Variants in CCDC102B observed in about 807,000 individuals in gnomAD.
The protein encoded by CCDC102B is coiled-coil domain-containing protein 102B.
A neutral mutation model predicts 57.4 loss-of-function variants in CCDC102B; 75 were observed. The observed-to-expected ratio is 1.31, with a 90% CI of 1.08 to 1.58. The LOEUF (loss-of-function observed/expected upper bound fraction) is 1.58, where lower values mean the gene tolerates loss of function less well. Ranked by LOEUF, CCDC102B falls within the 40% of genes most tolerant of loss-of-function variation. The probability of loss-of-function intolerance (pLI) is 0.00; values close to 1 mark genes in which losing one functional copy is unlikely to be tolerated. For missense variants in CCDC102B, 636 were observed against 582.6 expected (o/e 1.09, Z -0.94); for synonymous variants, 206 against 201.9 (o/e 1.02, Z -0.17).
chr18:68,979,797 T>C (rs1306113854), intron 6 of CCDC102B, among the ~76,000 whole-genome samples: 1 of 152,006 alleles, frequency 6.6e-6, no homozygotes, highest in Admixed American at 6.6e-5. Context: ...CAACCTCCAT[T>C]CTGCTCTCCT....
chr18:69,026,770 G>A (rs1271244290), intron 7 of CCDC102B, among the ~76,000 whole-genome samples: 1 of 152,052 alleles, frequency 6.6e-6, no homozygotes, highest in African/African-American at 2.4e-5. Flanking sequence ...TTTTATGCTG[G>A]GTATTCATCT....
chr18:68,993,364 A>T (rs761865385), intron 6 of CCDC102B: 22 of 152,234 alleles, frequency 1.4e-4, no homozygotes, highest in Non-Finnish European at 2.9e-4. Context: ...CAGTGAAGGC[A>T]TCAGTTGGCT....
intron 7 of CCDC102B, among the ~76,000 whole-genome samples, chr18:69,044,037 G>GT (rs1234199888): frequency 6.6e-6 from 1 of 152,046 alleles, no homozygotes; most frequent in Non-Finnish European, 1.5e-5. Flanking sequence ...TATGTGGCCA[G>GT]TTTTTTAAAA....
chr18:68,840,832 C>CCATATA (rs1183447240), intron 3 of CCDC102B, among the ~76,000 whole-genome samples: 1 of 152,134 alleles, frequency 6.6e-6, no homozygotes, highest in East Asian at 1.9e-4. Context: ...ACACGCTTAT[C>CCATATA]CATATACATA....
intron 6 of CCDC102B, among the ~76,000 whole-genome samples, chr18:68,955,458 C>T (rs1272042963): frequency 2.0e-5 from 3 of 152,144 alleles, no homozygotes; most frequent in African/African-American, 7.2e-5. Context: ...ACCAACAACA[C>T]TCACAGAGTG....
intron 6 of CCDC102B, chr18:68,908,303 T>C (rs1032357526): frequency 6.6e-6 from 1 of 152,162 alleles, no homozygotes; most frequent in African/African-American, 2.4e-5. Flanking sequence ...TGAAGGACAA[T>C]AAAAACACCA....
intron 2 of CCDC102B, among the ~76,000 whole-genome samples, chr18:68,742,393 A>T (rs971655178): frequency 6.6e-6 from 1 of 152,220 alleles, no homozygotes; most frequent in African/African-American, 2.4e-5. Flanking sequence ...CATCTTAATT[A>T]CTTCCAGATC....
intron 4 of CCDC102B, among the ~76,000 whole-genome samples, chr18:68,869,326 G>C (rs911302894): frequency 6.6e-6 from 1 of 152,116 alleles, no homozygotes; most frequent in African/African-American, 2.4e-5. Context: ...CAAGCAGGAG[G>C]GAAGCAGGAA....
At chr18:69,041,646 T>C (rs1271630658) in intron 7 of CCDC102B, among the ~76,000 whole-genome samples, 1 of 152,034 alleles carries the variant, frequency 6.6e-6, no homozygotes, top group Non-Finnish European at 1.5e-5. Flanking sequence ...TCAGCTTACA[T>C]ATCTTTATTT....
At chr18:68,769,991 G>A (rs2034587438) in intron 2 of CCDC102B, among the ~76,000 whole-genome samples, 3 of 152,168 alleles carry the variant, frequency 2.0e-5, no homozygotes, top group Admixed American at 2.0e-4. Flanking sequence ...TCCAGGAGGT[G>A]GGTATAGAGG....
At chr18:68,784,225 T>C (rs2035106569) in intron 2 of CCDC102B, among the ~76,000 whole-genome samples, 1 of 152,006 alleles carries the variant, frequency 6.6e-6, no homozygotes, top group African/African-American at 2.4e-5. Flanking sequence ...TTCTGTTTTG[T>C]AGGGGGCAGC....
chr18:68,737,458 G>A (rs565348155), intron 2 of CCDC102B, among the ~76,000 whole-genome samples: 1 of 151,714 alleles, frequency 6.6e-6, no homozygotes, highest in Non-Finnish European at 1.5e-5. Context: ...TGTGGTGGTG[G>A]TGGTGGTGGT....
In CCDC102B at chr18:68,769,969, G is replaced by C. The variant is rs149597007; in HGVS notation, c.-67+53375G>C. Among the ~76,000 whole-genome samples, 1,340 of 152,310 alleles carry C rather than the reference G, an allele frequency of 8.8e-3. 12 individuals carry two copies. The highest frequency in any genetic ancestry group is 0.021 in the South Asian group (103 of 4,824). On this transcript the variant is annotated intron_variant, in intron 2 of 3. Transcript: ENST00000578970. ...ACAGATTAGAGAGGAATAGGTTGCA[G>C]TAAGGGAGTATTCCAGGAGGTGGGT... is the stretch of plus-strand genomic sequence containing the variant.
At chr18:68,804,482 GCAAT>G (rs1235425104) in intron 1 of CCDC102B, among the ~76,000 whole-genome samples, 1 of 152,150 alleles carries the variant, frequency 6.6e-6, no homozygotes, top group Admixed American at 6.5e-5. Context: ...TTCACCCAGA[GCAAT>G]TACCCCAGCC....
At chr18:68,982,514 C>T (rs2050617208) in intron 6 of CCDC102B, among the ~76,000 whole-genome samples, 1 of 151,926 alleles carries the variant, frequency 6.6e-6, no homozygotes, top group Admixed American at 6.6e-5. Context: ...TTCCCCCACT[C>T]TATAACAAGG....
chr18:68,962,424 G>C (rs776530277), intron 6 of CCDC102B, among the ~76,000 whole-genome samples: 3 of 151,924 alleles, frequency 2.0e-5, no homozygotes, highest in Non-Finnish European at 2.9e-5. Context: ...ATAATTTTCA[G>C]TACAGTAATA....
intron 2 of CCDC102B, among the ~76,000 whole-genome samples, chr18:68,759,110 G>C (rs1484617085): frequency 6.6e-6 from 1 of 151,656 alleles, no homozygotes; most frequent in Non-Finnish European, 1.5e-5. Flanking sequence ...ACTATAAAAA[G>C]CTCAAGAGAA....
intron 6 of CCDC102B, among the ~76,000 whole-genome samples, chr18:68,916,908 G>C (rs1188041881): frequency 6.6e-6 from 1 of 152,212 alleles, no homozygotes; most frequent in Non-Finnish European, 1.5e-5. Context: ...CTGGACAGGA[G>C]CCCTGTGTGG....
upstream of CCDC102B, among the ~76,000 whole-genome samples, chr18:68,796,070 T>C (rs1462235149): frequency 1.3e-5 from 2 of 152,178 alleles, no homozygotes; most frequent in South Asian, 2.1e-4. Flanking sequence ...AAAACCTTCA[T>C]GGACTTCAAG....
Sources: gnomAD v4.1 joint callset for allele counts (sites outside exome capture counted in the v4.1 genomes callset) on GRCh38, gnomAD v4.1.1 for gene constraint, MANE v1.5 for transcripts, NCBI Gene and HGNC (gene_info 2026-07-23, HGNC 2026-07-21) for gene names.